Variants in IQSEC1 observed in about 807,000 individuals in gnomAD.
IQSEC1 encodes the protein IQ motif and SEC7 domain-containing protein 1.
A neutral mutation model predicts 91.0 loss-of-function variants in IQSEC1; 31 were observed. That is an observed-to-expected ratio of 0.34 (90% CI 0.26 to 0.46). The LOEUF (loss-of-function observed/expected upper bound fraction) is 0.46. Ranked by LOEUF, IQSEC1 falls within the 20% of genes least tolerant of loss-of-function variation. IQSEC1 has a pLI of 1.00. For missense variants in IQSEC1, 1,388 were observed against 1,575.6 expected, an observed-to-expected ratio of 0.88 and a Z score of 2.02; for synonymous variants, 699 against 662.6, an observed-to-expected ratio of 1.05 and a Z score of -0.84.
In IQSEC1 at chr3:12,915,748, C is replaced by G; in HGVS notation, c.2021-15G>C. On this transcript the variant is annotated splice_polypyrimidine_tract_variant and intron_variant, in intron 6 of 13. Coordinates refer to ENST00000613206, the MANE Select transcript of IQSEC1 (RefSeq NM_001134382.3). The stretch of plus-strand genomic sequence containing the variant: ...ATCGTCCACACCTGGGTAGGGGATG[C>G]AGCTGGATATCAGGGTGGGCCCCAG... The G allele has an allele frequency of 6.2e-7, 1 of 1,612,608 alleles. No homozygotes were observed. The highest frequency in any genetic ancestry group is 1.3e-5 in the African/African-American group (1 of 75,030).
intron 2 of IQSEC1, among the ~76,000 whole-genome samples, chr3:13,135,445 C>A (rs1310569167): frequency 2.0e-5 from 3 of 152,246 alleles, no homozygotes. Flanking sequence ...GGCCACCTCT[C>A]CTCTGGGCAA....
At chr3:13,250,194 A>C (rs576898674) in intron 1 of IQSEC1, among the ~76,000 whole-genome samples, 1 of 152,292 alleles carries the variant, frequency 6.6e-6, no homozygotes, top group Admixed American at 6.5e-5. Context: ...GATTCAACGA[A>C]GGCCAGCTGG....
At position 12,981,317 on chromosome 3, in the gene IQSEC1, A is replaced by G. The variant is rs1701444727; in HGVS notation, c.24-39452T>C. 2.0e-5 allele frequency among the ~76,000 whole-genome samples: 3 copies of G among 152,248 alleles called. No individual in the cohort carries two copies. In the South Asian group the frequency reaches 6.2e-4, roughly 31 times the overall value. On this transcript the variant is annotated intron_variant, in intron 1 of 13. Coordinates refer to ENST00000613206, the MANE Select transcript of IQSEC1 (RefSeq NM_001134382.3). Reference sequence around the variant, plus strand: ...CTAAGTCATTGATAAAGTTAGCTATACAAGGTGTCAGACTGTGTGTATGGC... The same window carrying G: ...CTAAGTCATTGATAAAGTTAGCTATGCAAGGTGTCAGACTGTGTGTATGGC...
At chr3:12,985,173 C>A (rs1341913290) in intron 1 of IQSEC1, among the ~76,000 whole-genome samples, 5 of 152,222 alleles carry the variant, frequency 3.3e-5, no homozygotes, top group African/African-American at 1.2e-4. Context: ...AAGACTGCAT[C>A]CCTACATCAC....
At chr3:13,276,581 A>T (rs357152) in intron 1 of IQSEC1, among the ~76,000 whole-genome samples, 3 of 151,936 alleles carry the variant, frequency 2.0e-5, no homozygotes, top group Non-Finnish European at 2.9e-5. Flanking sequence ...TGGCTGAGGC[A>T]GGGCTGGGAT....
At chr3:13,177,555 G>A (rs1445156957) in intron 1 of IQSEC1, among the ~76,000 whole-genome samples, 1 of 103,092 alleles carries the variant, frequency 9.7e-6, no homozygotes, top group Non-Finnish European at 2.0e-5. Context: ...AGCCACATGG[G>A]GCTTCACCCC....
At chr3:13,034,208 C>T (rs557708638) in intron 1 of IQSEC1, among the ~76,000 whole-genome samples, 1 of 152,216 alleles carries the variant, frequency 6.6e-6, no homozygotes, top group Non-Finnish European at 1.5e-5. Context: ...CGTCTCCCCC[C>T]AGAGTCAACT....
At position 12,983,154 on chromosome 3, in the gene IQSEC1, G is replaced by A. The variant is rs185241288; in HGVS notation, c.24-41289C>T. 2.6e-5 allele frequency among the ~76,000 whole-genome samples: 4 copies of A among 152,152 alleles called. No individual in the cohort carries two copies. Among genetic ancestry groups the A allele is most frequent in the Non-Finnish European group, 5.9e-5 (4 of 68,028 alleles). ...ACAGGGACTTTATGGCCAGCATTCC[G>A]CTGGCCCCAGCTGCATAATCCAGAT... On this transcript the variant is annotated intron_variant, in intron 1 of 13. Coordinates refer to ENST00000613206, the MANE Select transcript of IQSEC1 (RefSeq NM_001134382.3). The surrounding 1 kb of genome is among the most constrained non-coding windows in gnomAD (Gnocchi z 4.3).
chr3:12,901,261 C>T lies in IQSEC1; in HGVS notation c.3067G>A (p.Ala1023Thr), dbSNP rs185165059. ...TACTGGGTGTGATGCCCGTGCATGGCGGCCTGCGGCAGCCCCTCTGGGGGC... is the reference window on the plus strand; with the variant it reads ...TACTGGGTGTGATGCCCGTGCATGGTGGCCTGCGGCAGCCCCTCTGGGGGC... ...LGPPEGLPQAAMHGHHTQYCH... is the reference protein window; with the variant it reads ...LGPPEGLPQATMHGHHTQYCH... Residue 1023 changes from alanine (A) to threonine (T), a missense_variant, in exon 14 of 14, where the codon GCC (alanine) becomes ACC (threonine). This residue lies in a region of IQSEC1 where 329 missense variants were observed against 257.8 expected (regional missense o/e 1.28). Coordinates refer to ENST00000613206, the MANE Select transcript of IQSEC1 (RefSeq NM_001134382.3). 86 of 1,530,902 alleles carry T rather than the reference C, an allele frequency of 5.6e-5. No homozygotes were observed. The highest frequency in any genetic ancestry group is 2.0e-4 in the African/African-American group (12 of 59,742). 94.8% of individuals were successfully genotyped at this position (1,530,902 alleles called of 1,614,324 possible). A position where few individuals can be genotyped will look rare whatever the true frequency, so the allele number is the denominator to read the frequency against.
At chr3:13,263,427 TGGG>T (rs74458928) in intron 1 of IQSEC1, among the ~76,000 whole-genome samples, 27,263 of 101,994 alleles carry the variant, frequency 0.27, 3,910 homozygotes, top group African/African-American at 0.41. Context: ...CTTTTTTTTT[TGGG>T]GGGGGGGGGA....
chr3:12,953,654 G>C (rs11924365), intron 1 of IQSEC1, among the ~76,000 whole-genome samples: 2,464 of 152,280 alleles, frequency 0.016, 74 homozygotes, highest in African/African-American at 0.056. Context: ...CAGCGTACAG[G>C]GGGCTTCTCA....
chr3:13,226,452 G>A (rs1302750335), intron 1 of IQSEC1, among the ~76,000 whole-genome samples: 3 of 151,994 alleles, frequency 2.0e-5, no homozygotes, highest in African/African-American at 7.3e-5. Context: ...ACACATCCGG[G>A]AACAAAATAA....
At chr3:12,907,822 C>T (rs983272887) in intron 12 of IQSEC1, among the ~76,000 whole-genome samples, 6 of 152,326 alleles carry the variant, frequency 3.9e-5, no homozygotes, top group South Asian at 2.1e-4. Flanking sequence ...TCCCGGACCC[C>T]GGAGCCAGCC....
chr3:13,183,210 CAT>C (rs1011107142), intron 1 of IQSEC1, among the ~76,000 whole-genome samples: 11 of 147,226 alleles, frequency 7.5e-5, no homozygotes, highest in Admixed American at 5.5e-4. Flanking sequence ...AACAAACAAA[CAT>C]AAATAAATAA....
At chr3:13,236,600 C>G (rs1219854596) in intron 1 of IQSEC1, among the ~76,000 whole-genome samples, 1 of 152,208 alleles carries the variant, frequency 6.6e-6, no homozygotes, top group Non-Finnish European at 1.5e-5. Flanking sequence ...CCCCCTCTCA[C>G]TGAGCCAACC....
chr3:13,182,298 G>A (rs1693857731), intron 1 of IQSEC1, among the ~76,000 whole-genome samples: 1 of 152,210 alleles, frequency 6.6e-6, no homozygotes, highest in Non-Finnish European at 1.5e-5. Context: ...ATCTGGGATT[G>A]AGCCTACTTC....
At chr3:13,019,638 G>T (rs1002857491) in intron 1 of IQSEC1, among the ~76,000 whole-genome samples, 3 of 152,218 alleles carry the variant, frequency 2.0e-5, no homozygotes, top group Non-Finnish European at 4.4e-5. Context: ...CGGGAGGGCA[G>T]AGTGCTTCTC....
At chr3:13,165,574 G>GTGTGTC (rs1693476822) in intron 1 of IQSEC1, among the ~76,000 whole-genome samples, 1 of 84,544 alleles carries the variant, frequency 1.2e-5, no homozygotes, top group Non-Finnish European at 2.4e-5. Context: ...GTGTGTGTGT[G>GTGTGTC]TGTGTGTCTG....
chr3:13,266,085 A>C (rs563768065), intron 1 of IQSEC1, among the ~76,000 whole-genome samples: 2 of 151,248 alleles, frequency 1.3e-5, no homozygotes, highest in South Asian at 4.2e-4. Flanking sequence ...GTGCTCCCAC[A>C]CCCCCGGCAC....
Sources: gnomAD v4.1 joint callset for allele counts (sites outside exome capture counted in the v4.1 genomes callset) on GRCh38, gnomAD v4.1.1 for gene constraint, gnomAD v4.1.1 regional missense constraint, Gnocchi (gnomAD v3.1) non-coding constraint, MANE v1.5 for transcripts, NCBI Gene and HGNC (gene_info 2026-07-23, HGNC 2026-07-21) for gene names.